The following OPCML variants were observed in gnomAD, a reference collection of about 807,000 sequenced individuals.
The protein encoded by OPCML is opioid binding protein/cell adhesion molecule like.
In OPCML, 13 loss-of-function variants were observed where a neutral mutation model predicts 37.8. The ratio of observed to expected loss-of-function variants is 0.34; its 90% CI spans 0.22 to 0.55. The LOEUF is 0.55. Among genes scored for constraint, OPCML ranks in the 20% least tolerant of loss-of-function variants. The pLI, the probability that OPCML is intolerant of heterozygous loss-of-function variation, is 0.91. For missense variants in OPCML, 341 were observed against 435.6 expected (o/e 0.78, Z 1.93); for synonymous variants, 176 against 168.8 (o/e 1.04, Z -0.33).
chr11:132,441,591 G>C (rs534641067), intron 4 of OPCML, among the ~76,000 whole-genome samples: 3 of 152,176 alleles, frequency 2.0e-5, no homozygotes, highest in Non-Finnish European at 4.4e-5. Flanking sequence ...ATAACCCAGA[G>C]GCATTATGAA....
At chr11:132,869,369 C>T (rs762699518) in intron 2 of OPCML, among the ~76,000 whole-genome samples, 21 of 152,204 alleles carry the variant, frequency 1.4e-4, no homozygotes, top group Middle Eastern at 6.8e-3. Context: ...AAGGAAGATG[C>T]GGAGGGCTGG....
At chr11:132,759,835 G>C (rs1272341589) in intron 2 of OPCML, among the ~76,000 whole-genome samples, 2 of 151,968 alleles carry the variant, frequency 1.3e-5, no homozygotes, top group African/African-American at 4.8e-5. Context: ...CTTGCCTTCT[G>C]CTAGCTTTGG....
In OPCML at chr11:133,281,795, G is replaced by A. The variant is rs79639911; in HGVS notation, c.61+250469C>T. On this transcript the variant is annotated intron_variant, in intron 1 of 7. Transcript: ENST00000524381. ...TAAAATCCAGACTGTCAATGGTCTC[G>A]GGTGGAAATAATGAACTTATCGGAA... is the stretch of plus-strand genomic sequence containing the variant. Among the ~76,000 whole-genome samples, 195 of 152,150 alleles carry A rather than the reference G, an allele frequency of 1.3e-3. 1 individual carries two copies. The highest frequency in any genetic ancestry group is 4.5e-3 in the African/African-American group (187 of 41,506).
chr11:133,421,515 G>A (rs1019827964), intron 1 of OPCML: 11 of 985,204 alleles, frequency 1.1e-5, no homozygotes, highest in African/African-American at 5.2e-5. Flanking sequence ...TTTCCTCTTC[G>A]GATTTGAACA....
At chr11:133,363,217 G>A (rs1051935106) in intron 1 of OPCML, among the ~76,000 whole-genome samples, 2 of 152,186 alleles carry the variant, frequency 1.3e-5, no homozygotes, top group East Asian at 3.9e-4. Flanking sequence ...TGAGCACTGG[G>A]CTCCACTTTG....
At chr11:132,663,844 T>C (rs1176231714) in intron 2 of OPCML, among the ~76,000 whole-genome samples, 1 of 152,204 alleles carries the variant, frequency 6.6e-6, no homozygotes, top group Non-Finnish European at 1.5e-5. Context: ...TTTTTGTTTT[T>C]TGTTTTGAGA....
At position 133,466,740 on chromosome 11, in the gene OPCML, C is replaced by T. The variant is rs192553815; in HGVS notation, c.61+65524G>A. 5.5e-4 allele frequency among the ~76,000 whole-genome samples: 84 copies of T among 152,130 alleles called. No individual in the cohort carries two copies. The East Asian group carries it at 0.011, about 20-fold the overall frequency. The stretch of plus-strand genomic sequence containing the variant: ...TTTCAATGATAATATACTAATACTT[C>T]GGATTTAGTAACTTGAGTGACAAGA... On this transcript the variant is annotated intron_variant, in intron 1 of 7. Transcript: ENST00000524381.
chr11:133,135,877 C>A (rs1427330426), intron 1 of OPCML, among the ~76,000 whole-genome samples: 1 of 152,098 alleles, frequency 6.6e-6, no homozygotes, highest in Non-Finnish European at 1.5e-5. Context: ...ATCTTGGAAC[C>A]ACAAGAGAAA....
At chr11:132,631,197 C>T (rs1469815966) in intron 3 of OPCML, among the ~76,000 whole-genome samples, 1 of 151,600 alleles carries the variant, frequency 6.6e-6, no homozygotes, top group Non-Finnish European at 1.5e-5. Flanking sequence ...TATGAGAGAA[C>T]TTTTTAAAAA....
At chr11:132,630,001 A>G (rs1939995676) in intron 3 of OPCML, among the ~76,000 whole-genome samples, 1 of 152,236 alleles carries the variant, frequency 6.6e-6, no homozygotes, top group Admixed American at 6.5e-5. Context: ...TTCAATGACT[A>G]TACTGGCGTT....
At chr11:133,209,975 G>T (rs1939284125) in intron 1 of OPCML, among the ~76,000 whole-genome samples, 1 of 152,186 alleles carries the variant, frequency 6.6e-6, no homozygotes, top group African/African-American at 2.4e-5. Context: ...AGAAAAAAAT[G>T]GCAGCTCACC....
Position 133,361,214 on chromosome 11 carries a change from AT to A in OPCML, c.61+171049del, listed in dbSNP as rs1314911346. ...TCATCTCAGCCTGAAAGTGCGGGGA[AT>A]TTCCAGATGCTGCCTGAGTGACGGT... is the stretch of plus-strand genomic sequence containing the variant. On this transcript the variant is annotated intron_variant, in intron 1 of 7. Coordinates refer to ENST00000524381, the MANE Select transcript of OPCML (RefSeq NM_001012393.5). 3 of 152,164 alleles carry A rather than the reference AT, an allele frequency of 2.0e-5. No individual in the cohort carries two copies. In the East Asian group the frequency reaches 5.8e-4, roughly 30 times the overall value. 9.4% of individuals were successfully genotyped at this position (152,164 alleles called of 1,614,324 possible). A position where few individuals can be genotyped will look rare whatever the true frequency, so the allele number is the denominator to read the frequency against.
chr11:132,760,895 G>A (rs962887469), intron 2 of OPCML, among the ~76,000 whole-genome samples: 3 of 152,014 alleles, frequency 2.0e-5, no homozygotes, highest in Non-Finnish European at 2.9e-5. Context: ...TTACAGTGTC[G>A]ATGGCCTTTA....
chr11:132,732,533 C>A (rs915097186), intron 2 of OPCML, among the ~76,000 whole-genome samples: 2 of 152,090 alleles, frequency 1.3e-5, no homozygotes, highest in African/African-American at 4.8e-5. Flanking sequence ...CTATAACAGT[C>A]ATCATCATGA....
intron 1 of OPCML, among the ~76,000 whole-genome samples, chr11:133,515,444 A>G (rs982914727): frequency 9.2e-5 from 14 of 152,248 alleles, no homozygotes; most frequent in African/African-American, 3.1e-4. Context: ...TACAATGCAC[A>G]GGAAATTCAC....
At chr11:132,554,109 G>A (rs572435103) in intron 3 of OPCML, among the ~76,000 whole-genome samples, 16 of 152,210 alleles carry the variant, frequency 1.1e-4, no homozygotes, top group South Asian at 4.2e-4. Flanking sequence ...AACACGCTGG[G>A]ACCTGAGATT....
chr11:133,195,419 C>A (rs1480684592), intron 1 of OPCML, among the ~76,000 whole-genome samples: 2 of 152,226 alleles, frequency 1.3e-5, no homozygotes, highest in African/African-American at 2.4e-5. Flanking sequence ...TGCCTTTCTG[C>A]AAAACCCCAG....
chr11:132,655,260 G>A (rs544484477), intron 3 of OPCML, among the ~76,000 whole-genome samples: 3 of 152,316 alleles, frequency 2.0e-5, no homozygotes, highest in Admixed American at 2.0e-4. Context: ...GGCCACAGAG[G>A]TGCCACTGAG....
In OPCML at chr11:133,499,809, T is replaced by C. The variant is rs551604153; in HGVS notation, c.61+32455A>G. On this transcript the variant is annotated intron_variant, in intron 1 of 7. Transcript: ENST00000524381. ...ATATACACATATATATATGTGTGTG[T>C]ATATATATATACACACATATATATG... is the stretch of plus-strand genomic sequence containing the variant. Among the ~76,000 whole-genome samples, 162 of 130,208 alleles carry C rather than the reference T, an allele frequency of 1.2e-3. 1 individual carries two copies. The South Asian group carries it at 0.019, about 15-fold the overall frequency. 85.4% of individuals were successfully genotyped at this position (130,208 alleles called of 152,430 possible).
Sources: allele counts gnomAD v4.1 joint callset (sites outside exome capture counted in the v4.1 genomes callset), GRCh38; gene constraint gnomAD v4.1.1; transcripts MANE v1.5; gene names NCBI Gene and HGNC (gene_info 2026-07-23, HGNC 2026-07-21).